Variants in TMEM87B observed in about 807,000 individuals in gnomAD.
The protein encoded by TMEM87B is transmembrane protein 87B.
A neutral mutation model predicts 80.3 loss-of-function variants in TMEM87B; 83 were observed. The ratio of observed to expected loss-of-function variants is 1.03; its 90% CI spans 0.87 to 1.24. TMEM87B has a LOEUF of 1.24. TMEM87B is among the 50% of genes most tolerant of loss of function. The pLI is 0.00. For missense variants in TMEM87B, 625 were observed against 674.4 expected, an observed-to-expected ratio of 0.93 and a Z score of 0.81; for synonymous variants, 219 against 230.5, an observed-to-expected ratio of 0.95 and a Z score of 0.45.
intron 4 of TMEM87B, among the ~76,000 whole-genome samples, chr2:112,069,644 T>C (rs2104462536): frequency 6.6e-6 from 1 of 152,366 alleles, no homozygotes; most frequent in South Asian, 2.1e-4. Context: ...GCATGTGTCT[T>C]TATGACAGAA....
At chr2:112,088,092 C>T (rs1479175179) in intron 9 of TMEM87B, among the ~76,000 whole-genome samples, 1 of 152,198 alleles carries the variant, frequency 6.6e-6, no homozygotes, top group Non-Finnish European at 1.5e-5. Context: ...TGTGTGCGTG[C>T]CCGTTTGCTT....
intron 3 of TMEM87B, among the ~76,000 whole-genome samples, chr2:112,065,051 T>G (rs1678378028): frequency 1.3e-5 from 2 of 152,088 alleles, no homozygotes; most frequent in African/African-American, 4.8e-5. Context: ...CCTGAACTCC[T>G]GGACTCAAGT....
rs748166533 is a variant in TMEM87B, at chr2:112,077,213, A to G, written c.523A>G (p.Lys175Glu). The change falls in exon 6 of 19, where the codon AAA becomes GAA. Residue 175 changes from lysine (K) to glutamate (E), a missense_variant. Coordinates refer to ENST00000283206, the MANE Select transcript of TMEM87B (RefSeq NM_032824.3). ...RSMDVVARTQ[K>E]DGFHIFIVSI... ...TCAGGATGTTGTAGCCAGAACACAA[A>G]AAGATGGGTTTCATATCTTTATTGT... The G allele has an allele frequency of 5.0e-6, 8 of 1,590,822 alleles. No individual in the cohort carries two copies. The highest frequency in any genetic ancestry group is 6.8e-6 in the Non-Finnish European group (8 of 1,170,808).
At chr2:112,100,132 T>C (rs1044545118) in intron 14 of TMEM87B, among the ~76,000 whole-genome samples, 34 of 152,342 alleles carry the variant, frequency 2.2e-4, no homozygotes, top group Admixed American at 6.5e-4. Flanking sequence ...GGTAAATGAA[T>C]TTTTACTTTA....
chr2:112,109,664 C>CTTTTTTTTT (rs561752709), intron 17 of TMEM87B, among the ~76,000 whole-genome samples: 28 of 46,348 alleles, frequency 6.0e-4, no homozygotes, highest in Non-Finnish European at 8.1e-4. Context: ...TAAGTATGGT[C>CTTTTTTTTT]TTTTTTTTTT....
At chr2:112,112,250 G>T (rs776433753) in intron 17 of TMEM87B, among the ~76,000 whole-genome samples, 1 of 152,094 alleles carries the variant, frequency 6.6e-6, no homozygotes, top group Non-Finnish European at 1.5e-5. Context: ...TGTTACATTC[G>T]TCTTTTCTTT....
chr2:112,097,303 C>G lies in TMEM87B; in HGVS notation c.1272+12C>G, dbSNP rs765950043. The G allele has an allele frequency of 1.9e-6, 3 of 1,580,084 alleles. No individual in the cohort carries two copies. Among genetic ancestry groups the G allele is most frequent in the East Asian group, 2.3e-5 (1 of 44,174 alleles). On this transcript the variant is annotated intron_variant, in intron 13 of 18. Coordinates refer to ENST00000283206, the MANE Select transcript of TMEM87B (RefSeq NM_032824.3). Reference sequence around the variant, plus strand: ...CAAAATGCCAATCAGTAAGTATAACCTTCCTATTTAAACAGTTATTTTTAT... The same window carrying G: ...CAAAATGCCAATCAGTAAGTATAACGTTCCTATTTAAACAGTTATTTTTAT...
intron 3 of TMEM87B, among the ~76,000 whole-genome samples, chr2:112,064,607 T>C (rs1371858869): frequency 1.3e-5 from 2 of 152,212 alleles, no homozygotes; most frequent in Non-Finnish European, 1.5e-5. Context: ...CAAGTAGATT[T>C]AGTGAGCACA....
At chr2:112,111,991 C>T (rs1357904726) in intron 17 of TMEM87B, among the ~76,000 whole-genome samples, 2 of 152,182 alleles carry the variant, frequency 1.3e-5, no homozygotes, top group African/African-American at 2.4e-5. Context: ...CACCTTTCCT[C>T]TAACGCCGTC....
chr2:112,101,571 T>C lies in TMEM87B; in HGVS notation c.1450+876T>C, dbSNP rs186583726. ...AGAAGCCTTACTGTTAACATAGTTA[T>C]CACATATTTTGTGTATTATATGTAT... On this transcript the variant is annotated intron_variant, in intron 15 of 18. Coordinates refer to ENST00000283206, the MANE Select transcript of TMEM87B (RefSeq NM_032824.3). Among the ~76,000 whole-genome samples, 35 of 152,304 alleles carry C rather than the reference T, an allele frequency of 2.3e-4. 1 individual carries two copies. The East Asian group carries it at 4.4e-3, about 19-fold the overall frequency.
At chr2:112,070,697 T>C (rs957394507) in intron 4 of TMEM87B, among the ~76,000 whole-genome samples, 11 of 152,200 alleles carry the variant, frequency 7.2e-5, no homozygotes, top group Non-Finnish European at 1.2e-4. Context: ...AATAGTTTTT[T>C]CTAGTTTTGT....
intron 10 of TMEM87B, among the ~76,000 whole-genome samples, chr2:112,090,493 C>T (rs1328256972): frequency 6.6e-6 from 1 of 152,096 alleles, no homozygotes; most frequent in African/African-American, 2.4e-5. Context: ...GTGGCATGAT[C>T]ATGGCTCACT....
chr2:112,058,126 C>G (rs1336406129), intron 1 of TMEM87B, among the ~76,000 whole-genome samples: 1 of 152,246 alleles, frequency 6.6e-6, no homozygotes, highest in African/African-American at 2.4e-5. Context: ...CGCACTCGGC[C>G]TCAGTCTTAA....
intron 8 of TMEM87B, among the ~76,000 whole-genome samples, chr2:112,085,196 T>C (rs1440825552): frequency 6.6e-6 from 1 of 152,260 alleles, no homozygotes; most frequent in African/African-American, 2.4e-5. Flanking sequence ...AACTGCATGA[T>C]TGGTCCCTGC....
At chr2:112,058,726 G>A (rs1013467819) in intron 1 of TMEM87B, among the ~76,000 whole-genome samples, 3 of 152,222 alleles carry the variant, frequency 2.0e-5, no homozygotes, top group Non-Finnish European at 4.4e-5. Context: ...AGATCTGGAG[G>A]TAGAAGTACC....
chr2:112,057,620 C>T (rs755462972), intron 1 of TMEM87B, among the ~76,000 whole-genome samples: 26 of 152,076 alleles, frequency 1.7e-4, no homozygotes, highest in Admixed American at 3.9e-4. Context: ...ATGGTTGAAG[C>T]ACCACTGTGT....
intron 8 of TMEM87B, 45 bp downstream of exon 8, chr2:112,081,563 C>T: frequency 6.5e-7 from 1 of 1,536,272 alleles, no homozygotes. Context: ...TCTAAGAGTT[C>T]CCCAGTATTT....
intron 2 of TMEM87B, among the ~76,000 whole-genome samples, chr2:112,062,496 A>C (rs577289066): frequency 6.6e-6 from 1 of 152,262 alleles, no homozygotes; most frequent in Non-Finnish European, 1.5e-5. Flanking sequence ...GATAAAAGGC[A>C]TCTATGAAAA....
chr2:112,107,569 A>AAAACC (rs1337479169), intron 16 of TMEM87B, among the ~76,000 whole-genome samples: 1 of 152,180 alleles, frequency 6.6e-6, no homozygotes, highest in Non-Finnish European at 1.5e-5. Context: ...ACATCCAACT[A>AAAACC]AAACCAAGAA....
Sources: allele counts gnomAD v4.1 joint callset (sites outside exome capture counted in the v4.1 genomes callset), GRCh38; gene constraint gnomAD v4.1.1; transcripts MANE v1.5; gene names NCBI Gene and HGNC (gene_info 2026-07-23, HGNC 2026-07-21).